The following USP49 variants were observed in gnomAD, a reference collection of about 807,000 sequenced individuals.
The protein encoded by USP49 is ubiquitin specific peptidase 49.
Under a neutral mutation model 58.6 loss-of-function variants are expected in USP49, and 24 were observed. That is an observed-to-expected ratio of 0.41 (90% CI 0.30 to 0.58). The LOEUF (loss-of-function observed/expected upper bound fraction) is 0.58, where lower values mean the gene tolerates loss of function less well. USP49 is among the 20% of genes least tolerant of loss of function. USP49 has a pLI of 0.30. For missense variants in USP49, 703 were observed against 866.1 expected (o/e 0.81, Z 2.36); for synonymous variants, 408 against 365.1 (o/e 1.12, Z -1.34).
chr6:41,865,067 T>C (rs956126670), intron 3 of USP49, among the ~76,000 whole-genome samples: 4 of 152,046 alleles, frequency 2.6e-5, no homozygotes, highest in African/African-American at 9.7e-5. Flanking sequence ...ATTTTTGAGA[T>C]GGAGTCTTGC....
At position 41,818,823 on chromosome 6, in the gene USP49, T is replaced by C. The variant is rs1455476573; in HGVS notation, c.-28-11812A>G. Among the ~76,000 whole-genome samples the C allele has an allele frequency of 3.3e-5, 5 of 152,312 alleles. No homozygotes were observed. In the East Asian group the frequency reaches 9.7e-4, roughly 29 times the overall value. On this transcript the variant is annotated intron_variant, in intron 3 of 7. Transcript: ENST00000682992. ...TGATCTCATTTGCTAACTCTTCCTG[T>C]TACTGAAGATAAGCATTATACTCTG...
chr6:41,823,391 TTCCTTAGGAAGTAAGATTTAGAGA>T (rs1308609012), intron 3 of USP49, among the ~76,000 whole-genome samples: 1 of 152,244 alleles, frequency 6.6e-6, no homozygotes, highest in East Asian at 1.9e-4. Context: ...TTACTATGTT[TTCCTTAGGAAGTAAGATTTAGAGA>T]TAGGCAATCT....
At position 41,806,001 on chromosome 6, in the gene USP49, TC is replaced by T; in HGVS notation, c.982del (p.Glu328ArgfsTer48). The T allele has an allele frequency of 6.2e-7, 1 of 1,613,882 alleles. No individual in the cohort carries two copies. ...GGCCCTGCCGTTCCAGCAGAAGCCC[TC>T]CCGCTCGCATGCCTCGGCCCTGTCA... ...RNDRAEACER[E>X]GFCWNGRASI... On this transcript the variant is annotated frameshift_variant, in exon 4 of 8. Transcript: ENST00000682992. LOFTEE classifies it high-confidence loss of function. This position sits in a 1 kb window ranked among gnomAD's most constrained non-coding sequence, Gnocchi z 5.9.
rs1453692260 is a variant in USP49, at chr6:41,790,973, C to G, written c.*5560G>C. ...TTAAGCCATAGTATAGATGCTAACCCCCATTTAGACCTGCATCAGATCACT... is the reference window on the plus strand; with the variant it reads ...TTAAGCCATAGTATAGATGCTAACCGCCATTTAGACCTGCATCAGATCACT... On this transcript the variant is annotated 3_prime_UTR_variant, in exon 8 of 8. Coordinates refer to ENST00000682992, the MANE Select transcript of USP49 (RefSeq NM_001286554.2). 1 of 152,122 alleles carries G rather than the reference C, an allele frequency of 6.6e-6. No homozygotes were observed. Among genetic ancestry groups the G allele is most frequent in the Non-Finnish European group, 1.5e-5 (1 of 68,034 alleles). 9.4% of individuals were successfully genotyped at this position (152,122 alleles called of 1,614,324 possible). A position where few individuals can be genotyped will look rare whatever the true frequency, so the allele number is the denominator to read the frequency against.
At chr6:41,808,407 CTTT>C (rs5875774) in intron 3 of USP49, among the ~76,000 whole-genome samples, 74 of 117,526 alleles carry the variant, frequency 6.3e-4, no homozygotes, top group Admixed American at 1.2e-3. Context: ...AGCTATACAA[CTTT>C]TTTTTTTTTT....
chr6:41,803,771 T>C lies in USP49; in HGVS notation c.1561+35A>G. 6.2e-7 allele frequency: 1 copy of C among 1,608,540 alleles called. No homozygotes were observed. Among genetic ancestry groups the C allele is most frequent in the South Asian group, 1.1e-5 (1 of 90,896 alleles). On this transcript the variant is annotated intron_variant, in intron 5 of 7. Transcript: ENST00000682992. The surrounding 1 kb of genome is among the most constrained non-coding windows in gnomAD (Gnocchi z 4.1). ...CTTAAACTGATATTCCAATTATTCT[T>C]CCCCACTACGCCCCCTCCTCCACAC... is the stretch of plus-strand genomic sequence containing the variant.
intron 3 of USP49, among the ~76,000 whole-genome samples, chr6:41,851,484 T>A (rs1774026849): frequency 6.6e-6 from 1 of 152,108 alleles, no homozygotes. Flanking sequence ...GGAAACTGCC[T>A]CAAAATCATA....
At chr6:41,839,818 A>T (rs1022466564) in intron 3 of USP49, among the ~76,000 whole-genome samples, 1 of 146,186 alleles carries the variant, frequency 6.8e-6, no homozygotes, top group African/African-American at 2.5e-5. Flanking sequence ...GGAATGATAT[A>T]ATGGATTTGG....
chr6:41,846,953 G>T (rs1392294055), intron 3 of USP49, among the ~76,000 whole-genome samples: 1 of 152,196 alleles, frequency 6.6e-6, no homozygotes, highest in Non-Finnish European at 1.5e-5. Context: ...TGTTAGCACT[G>T]AAGTTCCATA....
rs755275082 is a variant in USP49 at position 41,806,144 on chromosome 6, A to G, written c.840T>C (p.Cys280=). 84 of 1,613,582 alleles carry G rather than the reference A, an allele frequency of 5.2e-5. No homozygotes were observed. The highest frequency in any genetic ancestry group is 6.6e-5 in the South Asian group (6 of 91,084). The part of the protein sequence containing the change: ...VLSHLQKFRE[C]FLNLDPSKTE... ...TTTTGGAAGGGTCAAGGTTGAGGAA[A>G]CATTCTCGGAACTTCTGGAGGTGGC... Residue 280 remains cysteine (C), a synonymous_variant, in exon 4 of 8, where the codon TGT becomes TGC. Coordinates refer to ENST00000682992, the MANE Select transcript of USP49 (RefSeq NM_001286554.2). The surrounding 1 kb of genome is among the most constrained non-coding windows in gnomAD (Gnocchi z 5.9).
At chr6:41,836,214 C>A (rs1475692064) in intron 3 of USP49, among the ~76,000 whole-genome samples, 1 of 151,940 alleles carries the variant, frequency 6.6e-6, no homozygotes, top group Non-Finnish European at 1.5e-5. Flanking sequence ...CAAAGCAGTA[C>A]CCAAAGGCTC....
At chr6:41,845,690 C>T (rs1291750580) in intron 3 of USP49, among the ~76,000 whole-genome samples, 1 of 151,776 alleles carries the variant, frequency 6.6e-6, no homozygotes, top group Non-Finnish European at 1.5e-5. Context: ...ACAGTGAGAC[C>T]CTGTCTCTAA....
At chr6:41,882,460 C>T (rs1774626928) in intron 2 of USP49, among the ~76,000 whole-genome samples, 1 of 152,082 alleles carries the variant, frequency 6.6e-6, no homozygotes, top group East Asian at 1.9e-4. Flanking sequence ...AAGATTGCTC[C>T]ATATACATTA....
At chr6:41,808,195 G>T (rs1411626421) in intron 3 of USP49, among the ~76,000 whole-genome samples, 1 of 152,126 alleles carries the variant, frequency 6.6e-6, no homozygotes, top group African/African-American at 2.4e-5. Context: ...TAGGACAAGA[G>T]GTGAAGTGGC....
chr6:41,804,166 G>A (rs1773068726), intron 4 of USP49, among the ~76,000 whole-genome samples, 156 bp from the exon 5 acceptor site: 1 of 152,120 alleles, frequency 6.6e-6, no homozygotes, highest in East Asian at 1.9e-4. Context: ...AAAAGAATTA[G>A]AGTATATTAT....
chr6:41,878,627 T>C lies in USP49; in HGVS notation c.-102-6990A>G, dbSNP rs377266417. On this transcript the variant is annotated intron_variant, in intron 2 of 7. Coordinates refer to ENST00000682992, the MANE Select transcript of USP49 (RefSeq NM_001286554.2). ...ATATAATAAATATTAATTGGTAAAGTTCAGTCTGCCAGCATACATTAAAAT... is the reference window on the plus strand; with the variant it reads ...ATATAATAAATATTAATTGGTAAAGCTCAGTCTGCCAGCATACATTAAAAT... Among the ~76,000 whole-genome samples the C allele has an allele frequency of 3.3e-4, 51 of 152,320 alleles. No homozygotes were observed. In the South Asian group the frequency reaches 0.011, roughly 32 times the overall value.
chr6:41,806,368 G>A lies in USP49; in HGVS notation c.616C>T (p.Arg206Cys). 1 of 1,536,910 alleles carries A rather than the reference G, an allele frequency of 6.5e-7. No homozygotes were observed. The highest frequency in any genetic ancestry group is 2.0e-5 in the Admixed American group (1 of 50,192). Residue 206 changes from arginine to cysteine, a missense_variant, in exon 4 of 8, where the codon CGC becomes TGC. By Grantham distance (180) the Arg-to-Cys change is radical. Around this residue, in one of 6 missense-constraint regions of USP49, gnomAD observed 376 missense variants for 373.5 expected, o/e 1.01. Transcript: ENST00000682992. The surrounding 1 kb of genome is among the most constrained non-coding windows in gnomAD (Gnocchi z 5.9). ...TGCAGGAGCAGCCGTGCACTCTTGC[G>A]CGGAGGGGTGCTGGCCAGCTCCTCC... ...LLEELASTPP[R>C]KSARLLLHTP...
At chr6:41,873,078 G>A (rs755666815) in intron 2 of USP49, 1 of 152,148 alleles carries the variant, frequency 6.6e-6, no homozygotes, top group Non-Finnish European at 1.5e-5. Context: ...GTTTTATATC[G>A]CTGAAAGGAA....
At chr6:41,811,091 C>T (rs1011462357) in intron 3 of USP49, among the ~76,000 whole-genome samples, 8 of 152,132 alleles carry the variant, frequency 5.3e-5, no homozygotes, top group African/African-American at 1.9e-4. Flanking sequence ...AGAGATTCTT[C>T]CCTTTTTTAT....
Sources: gnomAD v4.1 joint callset for allele counts (sites outside exome capture counted in the v4.1 genomes callset) on GRCh38, gnomAD v4.1.1 for gene constraint, gnomAD v4.1.1 regional missense constraint, Gnocchi (gnomAD v3.1) non-coding constraint, MANE v1.5 for transcripts, NCBI Gene and HGNC (gene_info 2026-07-23, HGNC 2026-07-21) for gene names.